The following CDYL variants were observed in gnomAD, a reference collection of about 807,000 sequenced individuals.
CDYL encodes the protein chromodomain Y-like protein.
CDYL carries 8 observed loss-of-function variants against 47.3 expected under a neutral mutation model. The observed-to-expected ratio is 0.17, with a 90% confidence interval of 0.10 to 0.31. The LOEUF is 0.31. Ranked by LOEUF, CDYL falls within the 10% of genes least tolerant of loss-of-function variation. CDYL has a pLI of 1.00. For missense variants in CDYL, 471 were observed against 701.4 expected, an observed-to-expected ratio of 0.67 and a Z score of 3.71; for synonymous variants, 266 against 265.0, an observed-to-expected ratio of 1.00 and a Z score of -0.04.
At position 4,765,317 on chromosome 6, in the gene CDYL, C is replaced by G. The variant is rs532226262; in HGVS notation, c.186+30473C>G. ...CAGCCTTGGTGACAGAGGGAGACTT[C>G]GTCTCAAAAAAAAAAAGACAAATAA... On this transcript the variant is annotated intron_variant, in intron 3 of 8. Transcript: ENST00000328908. Among the ~76,000 whole-genome samples the G allele has an allele frequency of 2.0e-5, 3 of 149,488 alleles. No homozygotes were observed. The East Asian group carries it at 5.9e-4, about 29-fold the overall frequency.
chr6:4,914,217 T>TC (rs1185729330), intron 2 of CDYL, among the ~76,000 whole-genome samples: 2 of 150,960 alleles, frequency 1.3e-5, no homozygotes, highest in Admixed American at 6.6e-5. Flanking sequence ...TTTTTTTTTT[T>TC]TTTTCCACAC....
intron 2 of CDYL, among the ~76,000 whole-genome samples, chr6:4,928,430 A>G (rs1165175594): frequency 2.0e-5 from 3 of 152,226 alleles, no homozygotes; most frequent in Non-Finnish European, 2.9e-5. Context: ...CCCAGAATCT[A>G]GAAATGCTGT....
intron 3 of CDYL, among the ~76,000 whole-genome samples, chr6:4,764,440 C>G (rs1046647058): frequency 6.6e-6 from 1 of 152,082 alleles, no homozygotes; most frequent in African/African-American, 2.4e-5. Flanking sequence ...CAGGCGCACA[C>G]CCCCACGCCT....
At chr6:4,893,868 A>T (rs1762122864) in intron 2 of CDYL, among the ~76,000 whole-genome samples, 1 of 152,230 alleles carries the variant, frequency 6.6e-6, no homozygotes, top group South Asian at 2.1e-4. Flanking sequence ...TGGTGCATTC[A>T]ACAGGTTTTC....
At chr6:4,801,968 C>G (rs982961501) in intron 1 of CDYL, among the ~76,000 whole-genome samples, 19 of 152,298 alleles carry the variant, frequency 1.2e-4, no homozygotes, top group African/African-American at 4.3e-4. Context: ...ATCTTATGCT[C>G]TGAATTTGAG....
chr6:4,912,878 C>G (rs1757452793), intron 2 of CDYL, among the ~76,000 whole-genome samples: 1 of 152,146 alleles, frequency 6.6e-6, no homozygotes. Context: ...GGGCAGAGCC[C>G]CCATGACCCA....
At chr6:4,853,770 A>G (rs1469947825) in intron 1 of CDYL, among the ~76,000 whole-genome samples, 1 of 152,230 alleles carries the variant, frequency 6.6e-6, no homozygotes, top group Non-Finnish European at 1.5e-5. Context: ...TGTGTGGCAC[A>G]CTGGCTCCTC....
chr6:4,928,602 T>A (rs977059247), intron 2 of CDYL: 2 of 152,146 alleles, frequency 1.3e-5, no homozygotes, highest in African/African-American at 4.8e-5. Flanking sequence ...CATTTGTGTC[T>A]AGTCAGGGTT....
chr6:4,735,680 C>T (rs1181198198), intron 3 of CDYL, among the ~76,000 whole-genome samples: 4 of 151,814 alleles, frequency 2.6e-5, no homozygotes, highest in Non-Finnish European at 4.4e-5. Context: ...GTGGGAGAAT[C>T]ACTTGAACCC....
intron 1 of CDYL, among the ~76,000 whole-genome samples, chr6:4,867,875 A>T (rs2127471691): frequency 6.6e-6 from 1 of 150,840 alleles, no homozygotes; most frequent in East Asian, 2.0e-4. Flanking sequence ...ATTTTGTCTA[A>T]ATTGCTTAGT....
intron 2 of CDYL, among the ~76,000 whole-genome samples, chr6:4,929,222 G>T (rs1251461049): frequency 6.6e-6 from 1 of 151,196 alleles, no homozygotes; most frequent in East Asian, 1.9e-4. Flanking sequence ...GTGTATATAG[G>T]TTGGCTTTTT....
chr6:4,855,712 A>G lies in CDYL; in HGVS notation c.25-36001A>G, dbSNP rs574077353. 2.0e-5 allele frequency among the ~76,000 whole-genome samples: 3 copies of G among 152,226 alleles called. 1 individual carries two copies. Among genetic ancestry groups the G allele is most frequent in the South Asian group, 4.1e-4 (2 of 4,834 alleles). Reference sequence around the variant, plus strand: ...TACATCACAATCTACACGTAAGCATATAAGATGAAAAGCTTCATAGAATAC... The same window carrying G: ...TACATCACAATCTACACGTAAGCATGTAAGATGAAAAGCTTCATAGAATAC... On this transcript the variant is annotated intron_variant, in intron 1 of 6. Coordinates refer to ENST00000397588, the MANE Select transcript of CDYL (RefSeq NM_004824.4).
chr6:4,878,960 C>G (rs1168258110), intron 1 of CDYL, among the ~76,000 whole-genome samples: 1 of 151,934 alleles, frequency 6.6e-6, no homozygotes, highest in Non-Finnish European at 1.5e-5. Context: ...TTCTTTGACT[C>G]ATGGTTTATT....
At chr6:4,812,365 G>T (rs762198738) in intron 1 of CDYL, among the ~76,000 whole-genome samples, 1 of 152,042 alleles carries the variant, frequency 6.6e-6, no homozygotes, top group Admixed American at 6.6e-5. Flanking sequence ...TGTTTTTTTG[G>T]GATGTCCGGT....
intron 3 of CDYL, among the ~76,000 whole-genome samples, chr6:4,752,431 TA>T (rs1415284702): frequency 1.3e-5 from 2 of 152,210 alleles, no homozygotes; most frequent in African/African-American, 2.4e-5. Flanking sequence ...ACTTGTACTT[TA>T]ACAGGCTTTC....
chr6:4,706,949 A>G (rs1343989161), intron 1 of CDYL, among the ~76,000 whole-genome samples: 1 of 152,198 alleles, frequency 6.6e-6, no homozygotes. Context: ...CAGAATGGTG[A>G]AAGCAATGCT....
chr6:4,743,820 G>A (rs1378611154), intron 3 of CDYL, among the ~76,000 whole-genome samples: 1 of 152,152 alleles, frequency 6.6e-6, no homozygotes, highest in Non-Finnish European at 1.5e-5. Flanking sequence ...CCACAGATGT[G>A]GCTTGTCAGA....
At chr6:4,924,910 A>G (rs1757822409) in intron 2 of CDYL, among the ~76,000 whole-genome samples, 1 of 152,254 alleles carries the variant, frequency 6.6e-6, no homozygotes, top group African/African-American at 2.4e-5. Context: ...CACAATTTCA[A>G]GTGTCAAATA....
chr6:4,951,728 A>G (rs978143294), intron 5 of CDYL, among the ~76,000 whole-genome samples: 1 of 152,054 alleles, frequency 6.6e-6, no homozygotes, highest in Non-Finnish European at 1.5e-5. Context: ...TTTTTTCTGT[A>G]TATTAAAAAC....
Sources: gnomAD v4.1 joint callset for allele counts (sites outside exome capture counted in the v4.1 genomes callset) on GRCh38, gnomAD v4.1.1 for gene constraint, MANE v1.5 for transcripts, NCBI Gene and HGNC (gene_info 2026-07-23, HGNC 2026-07-21) for gene names.